The following ZNF76 variants were observed in gnomAD, a reference collection of about 807,000 sequenced individuals.
ZNF76 encodes zinc finger protein 76.
A neutral mutation model predicts 66.9 loss-of-function variants in ZNF76; 66 were observed. The ratio of observed to expected loss-of-function variants is 0.99; its 90% CI spans 0.81 to 1.21. ZNF76 has a LOEUF of 1.21. ZNF76 is among the 50% of genes most tolerant of loss of function. The probability of loss-of-function intolerance (pLI) is 0.00; values close to 1 mark genes in which losing one functional copy is unlikely to be tolerated. For synonymous variants in ZNF76, 275 were observed against 296.1 expected, an observed-to-expected ratio of 0.93 and a Z score of 0.73; for missense variants, 729 against 760.3, an observed-to-expected ratio of 0.96 and a Z score of 0.48.
At chr6:35,281,683 G>A (rs1273776072) in intron 2 of ZNF76, among the ~76,000 whole-genome samples, 1 of 152,070 alleles carries the variant, frequency 6.6e-6, no homozygotes, top group Non-Finnish European at 1.5e-5. Context: ...TATAATCCCA[G>A]CACTCAGAAG....
intron 1 of ZNF76, among the ~76,000 whole-genome samples, chr6:35,272,499 G>A (rs1270475072): frequency 1.5e-5 from 2 of 132,570 alleles, no homozygotes; most frequent in African/African-American, 6.1e-5. Flanking sequence ...GTGTGTGTGT[G>A]TGTGTGTGTG....
Position 35,287,534 on chromosome 6 carries a change from TG to T in ZNF76, c.233-110del. ...CACAAAGTGAAGGGCCATGAGAAAT[TG>T]GATGTTGAAACCCTCCTTGGTATAT... On this transcript the variant is annotated intron_variant, in intron 4 of 13. Coordinates refer to ENST00000373953, the MANE Select transcript of ZNF76 (RefSeq NM_003427.5). This position sits in a 1 kb window ranked among gnomAD's most constrained non-coding sequence, Gnocchi z 4.0. The T allele has an allele frequency of 1.0e-6, 1 of 972,338 alleles. No individual in the cohort carries two copies. The highest frequency in any genetic ancestry group is 1.5e-6 in the Non-Finnish European group (1 of 660,418). 60.2% of individuals were successfully genotyped at this position (972,338 alleles called of 1,614,324 possible).
Position 35,287,980 on chromosome 6 carries a change from A to G in ZNF76, c.432+135A>G. On this transcript the variant is annotated intron_variant, in intron 5 of 13. Coordinates refer to ENST00000373953, the MANE Select transcript of ZNF76 (RefSeq NM_003427.5). This position sits in a 1 kb window ranked among gnomAD's most constrained non-coding sequence, Gnocchi z 4.0. ...CCTGTGCTTGGGCACCATGTGGGATATTCCCTTTGCCCCTCCACCCCAGCT... is the reference window on the plus strand; with the variant it reads ...CCTGTGCTTGGGCACCATGTGGGATGTTCCCTTTGCCCCTCCACCCCAGCT... 9.6e-7 allele frequency: 1 copy of G among 1,041,926 alleles called. No individual in the cohort carries two copies. Among genetic ancestry groups the G allele is most frequent in the Non-Finnish European group, 1.4e-6 (1 of 695,042 alleles). 64.5% of individuals were successfully genotyped at this position (1,041,926 alleles called of 1,614,324 possible).
intron 1 of ZNF76, among the ~76,000 whole-genome samples, chr6:35,271,544 T>C (rs1787058160): frequency 6.6e-6 from 1 of 152,088 alleles, no homozygotes. Flanking sequence ...ATGGCTCGTG[T>C]CTGTAGTCTC....
chr6:35,280,687 A>G (rs1788658276), intron 1 of ZNF76, among the ~76,000 whole-genome samples: 1 of 152,218 alleles, frequency 6.6e-6, no homozygotes, highest in Admixed American at 6.5e-5. Flanking sequence ...TAACAAGCTC[A>G]GTAGATAAAT....
chr6:35,294,414 G>A (rs45617037), intron 12 of ZNF76, 42 bp from the exon 13 acceptor site: 30,369 of 1,313,584 alleles, frequency 0.023, 454 homozygotes, highest in Non-Finnish European at 0.029. Context: ...GGGAGGGAGA[G>A]TATACTGCAG....
chr6:35,287,749 C>G lies in ZNF76; in HGVS notation c.336C>G (p.Ala112=), dbSNP rs756507916. The G allele has an allele frequency of 6.2e-7, 1 of 1,614,204 alleles. No homozygotes were observed. Among genetic ancestry groups the G allele is most frequent in the South Asian group, 1.1e-5 (1 of 91,086 alleles). ...VAVPSESTIL[A]VQTEVGLEDL... Reference sequence around the variant, plus strand: ...TGCCATCGGAGAGCACCATCCTGGCCGTACAGACAGAGGTGGGCTTGGAGG... The same window carrying G: ...TGCCATCGGAGAGCACCATCCTGGCGGTACAGACAGAGGTGGGCTTGGAGG... Residue 112 remains alanine, a synonymous_variant, in exon 5 of 14, where the codon GCC becomes GCG. Coordinates refer to ENST00000373953, the MANE Select transcript of ZNF76 (RefSeq NM_003427.5). This position sits in a 1 kb window ranked among gnomAD's most constrained non-coding sequence, Gnocchi z 4.0.
chr6:35,275,149 C>A (rs1256072520), intron 1 of ZNF76, among the ~76,000 whole-genome samples: 2 of 150,404 alleles, frequency 1.3e-5, no homozygotes. Context: ...AGCAAGACTC[C>A]ATCTCAAAAA....
In ZNF76 at chr6:35,287,666, C is replaced by T. The variant is rs191588088; in HGVS notation, c.253C>T (p.Leu85=). 179 of 1,613,254 alleles carry T rather than the reference C, an allele frequency of 1.1e-4. 1 individual carries two copies. In the East Asian group the frequency reaches 3.5e-3, roughly 32 times the overall value. The part of the protein sequence containing the change: ...TPREGYDPST[L]EAVQLEDGST... ...TGCAGAAGGCTATGACCCCAGCACC[C>T]TGGAAGCCGTCCAACTGGAAGATGG... The change falls in exon 5 of 14, where the codon CTG becomes TTG. Residue 85 remains leucine (L), a synonymous_variant. Coordinates refer to ENST00000373953, the MANE Select transcript of ZNF76 (RefSeq NM_003427.5). This position sits in a 1 kb window ranked among gnomAD's most constrained non-coding sequence, Gnocchi z 4.0.
At chr6:35,278,087 A>T (rs1582102001) in intron 1 of ZNF76, among the ~76,000 whole-genome samples, 1 of 151,620 alleles carries the variant, frequency 6.6e-6, no homozygotes, top group Admixed American at 6.6e-5. Context: ...GGATCTCCTG[A>T]CCTTGTGATC....
At chr6:35,276,791 G>GTTT (rs10571257) in intron 1 of ZNF76, among the ~76,000 whole-genome samples, 15 of 97,038 alleles carry the variant, frequency 1.5e-4, no homozygotes, top group African/African-American at 2.8e-4. Context: ...TTATTTATGG[G>GTTT]TTTTTTTTTT....
chr6:35,290,412 C>G (rs377683161), intron 6 of ZNF76, 30 bp downstream of exon 6: 5 of 1,610,382 alleles, frequency 3.1e-6, no homozygotes, highest in Non-Finnish European at 4.2e-6. Flanking sequence ...GCCGTCAGCT[C>G]TGCAGTCTTC....
intron 2 of ZNF76, among the ~76,000 whole-genome samples, chr6:35,285,419 G>A (rs1427851115): frequency 1.3e-5 from 2 of 152,088 alleles, no homozygotes; most frequent in Non-Finnish European, 2.9e-5. Flanking sequence ...GATTTATTGA[G>A]GGCTGACCAT....
intron 1 of ZNF76, among the ~76,000 whole-genome samples, chr6:35,265,546 C>T (rs1227133390): frequency 1.3e-5 from 2 of 151,194 alleles, no homozygotes; most frequent in Admixed American, 6.6e-5. Context: ...AAGAAAATGC[C>T]AGGATTCTGG....
chr6:35,271,976 GCACCTGTAGTTC>G (rs1213430160), intron 1 of ZNF76, among the ~76,000 whole-genome samples: 4 of 151,580 alleles, frequency 2.6e-5, no homozygotes, highest in African/African-American at 9.7e-5. Context: ...ATGGTGGCAC[GCACCTGTAGTTC>G]CACCTACTCG....
intron 5 of ZNF76, among the ~76,000 whole-genome samples, chr6:35,288,883 G>A (rs950471785): frequency 6.6e-6 from 1 of 151,022 alleles, no homozygotes; most frequent in African/African-American, 2.4e-5. Context: ...ATCAGGAGGC[G>A]GTGACTGCAA....
intron 2 of ZNF76, among the ~76,000 whole-genome samples, chr6:35,284,648 G>A (rs1480290802): frequency 2.0e-5 from 3 of 151,972 alleles, no homozygotes; most frequent in Non-Finnish European, 4.4e-5. Flanking sequence ...TGATCTGCTC[G>A]CCTTGGCCTC....
chr6:35,266,797 C>CTTTTTTTTTTTTTTTTTTTTTTTTT (rs57833954), intron 1 of ZNF76, among the ~76,000 whole-genome samples: 1 of 93,280 alleles, frequency 1.1e-5, no homozygotes, highest in Non-Finnish European at 1.9e-5. Flanking sequence ...TTGTCTATTT[C>CTTTTTTTTTTTTTTTTTTTTTTTTT]TTTTTTTTTT....
rs1041777690 is a variant in ZNF76, at chr6:35,290,368, G to A, written c.535G>A (p.Ala179Thr). The A allele has an allele frequency of 5.6e-6, 9 of 1,613,930 alleles. No individual in the cohort carries two copies. Among genetic ancestry groups the A allele is most frequent in the South Asian group, 1.1e-5 (1 of 91,084 alleles). The part of the protein sequence containing the change: ...YKGCGRLYTT[A>T]HHLKVHERAH... ...GGGCTGTGGGCGTCTCTACACCACC[G>A]CTCATCACTTAAAGGTAAGGTTGCT... The change falls in exon 6 of 14, where the codon GCT becomes ACT. Residue 179 changes from alanine to threonine, a missense_variant. By Grantham distance (58) the Ala-to-Thr change is moderately conservative. Coordinates refer to ENST00000373953, the MANE Select transcript of ZNF76 (RefSeq NM_003427.5).
Sources: allele counts gnomAD v4.1 joint callset (sites outside exome capture counted in the v4.1 genomes callset), GRCh38; gene constraint gnomAD v4.1.1; non-coding constraint Gnocchi (gnomAD v3.1); transcripts MANE v1.5; gene names NCBI Gene and HGNC (gene_info 2026-07-23, HGNC 2026-07-21).